The following STK10 variants were observed in gnomAD, a reference collection of about 807,000 sequenced individuals.
STK10 encodes the protein serine/threonine-protein kinase 10.
Under a neutral mutation model 113.8 loss-of-function variants are expected in STK10, and 78 were observed. That is an observed-to-expected ratio of 0.69 (90% CI 0.57 to 0.83). The LOEUF (loss-of-function observed/expected upper bound fraction) is 0.83, where lower values mean the gene tolerates loss of function less well. Among genes scored for constraint, STK10 ranks in the 40% least tolerant of loss-of-function variants. STK10 has a pLI of 0.00. For synonymous variants in STK10, 465 were observed against 494.7 expected (o/e 0.94, Z 0.80); for missense variants, 1,109 against 1,280.1 (o/e 0.87, Z 2.04).
At chr5:172,061,112 A>G (rs756695560) in intron 14 of STK10, 27 bp downstream of exon 14, 2 of 1,589,982 alleles carry the variant, frequency 1.3e-6, no homozygotes, top group South Asian at 2.3e-5. Flanking sequence ...CTGGGCCAAG[A>G]CAGCGCTGCC....
At chr5:172,067,739 T>C (rs1768099762) in intron 12 of STK10, among the ~76,000 whole-genome samples, 1 of 152,080 alleles carries the variant, frequency 6.6e-6, no homozygotes, top group African/African-American at 2.4e-5. Context: ...GGGTCATTCA[T>C]TTGAAGACTG....
At chr5:172,163,466 C>T (rs1770507008) in intron 1 of STK10, among the ~76,000 whole-genome samples, 1 of 152,162 alleles carries the variant, frequency 6.6e-6, no homozygotes, top group Non-Finnish European at 1.5e-5. Context: ...CAAGGGAGTG[C>T]CTGGCAGCTG....
At position 172,096,416 on chromosome 5, in the gene STK10, C is replaced by G; in HGVS notation, c.1005+10G>C. The G allele has an allele frequency of 6.2e-7, 1 of 1,611,050 alleles. No individual in the cohort carries two copies. Among genetic ancestry groups the G allele is most frequent in the Non-Finnish European group, 8.5e-7 (1 of 1,179,924 alleles). ...CAGCCCCCGCTAAGCCCCACTCTCC[C>G]TGGCCTTACGGAGGCGGCATCCACG... On this transcript the variant is annotated intron_variant, in intron 8 of 18. Transcript: ENST00000176763.
chr5:172,113,656 C>T (rs1157781773), intron 4 of STK10, among the ~76,000 whole-genome samples: 1 of 152,198 alleles, frequency 6.6e-6, no homozygotes, highest in Non-Finnish European at 1.5e-5. Context: ...GTGGCTCATG[C>T]CTGTAATCCC....
chr5:172,119,819 A>G lies in STK10; in HGVS notation c.371-2189T>C, dbSNP rs113501131. 4.0e-5 allele frequency among the ~76,000 whole-genome samples: 6 copies of G among 149,054 alleles called. 1 individual carries two copies. ...GCAGAGCTTGCAGTGAGCGGAGATC[A>G]CGCCACTGCACTCCAGCCTGGGCGA... On this transcript the variant is annotated intron_variant, in intron 3 of 18. Coordinates refer to ENST00000176763, the MANE Select transcript of STK10 (RefSeq NM_005990.4).
At chr5:172,144,652 C>T (rs967605990) in intron 2 of STK10, among the ~76,000 whole-genome samples, 3 of 152,142 alleles carry the variant, frequency 2.0e-5, no homozygotes, top group African/African-American at 7.2e-5. Flanking sequence ...CCAGCCTCAC[C>T]CACCACATTC....
chr5:172,093,409 T>G lies in STK10; in HGVS notation c.1554+3A>C. On this transcript the variant is annotated splice_donor_region_variant and intron_variant, in intron 9 of 18. Coordinates refer to ENST00000176763, the MANE Select transcript of STK10 (RefSeq NM_005990.4). The surrounding 1 kb of genome is among the most constrained non-coding windows in gnomAD (Gnocchi z 4.1). ...AAGCCCGTGGTGGCAGAGGCGGTGTTACCTTGATGGACAGAGAGCCCATCT... is the reference window on the plus strand; with the variant it reads ...AAGCCCGTGGTGGCAGAGGCGGTGTGACCTTGATGGACAGAGAGCCCATCT... The G allele has an allele frequency of 6.3e-7, 1 of 1,585,510 alleles. No homozygotes were observed. The highest frequency in any genetic ancestry group is 8.6e-7 in the Non-Finnish European group (1 of 1,159,562).
rs1183929502 is a variant in STK10 at position 172,057,202 on chromosome 5, G to T, written c.2337+147C>A. The stretch of plus-strand genomic sequence containing the variant: ...AGGACGCCCCTGGAGAACCTCCTGG[G>T]GCCTCACTGCAGCCAGCCCTGGCTC... On this transcript the variant is annotated intron_variant, in intron 15 of 18. Coordinates refer to ENST00000176763, the MANE Select transcript of STK10 (RefSeq NM_005990.4). 7 of 1,173,186 alleles carry T rather than the reference G, an allele frequency of 6.0e-6. No homozygotes were observed. The African/African-American group carries it at 9.1e-5, about 15-fold the overall frequency. 72.7% of individuals were successfully genotyped at this position (1,173,186 alleles called of 1,614,324 possible). A position where few individuals can be genotyped will look rare whatever the true frequency, so the allele number is the denominator to read the frequency against.
chr5:172,105,273 G>A (rs3103590), intron 7 of STK10, among the ~76,000 whole-genome samples: 15,101 of 150,902 alleles, frequency 0.1, 862 homozygotes, highest in East Asian at 0.13. Flanking sequence ...TTCCCTTCCT[G>A]TGGACATCTG....
At position 172,187,351 on chromosome 5, in the gene STK10, A is replaced by G. The variant is rs1159509932; in HGVS notation, c.156+536T>C. Among the ~76,000 whole-genome samples the G allele has an allele frequency of 2.7e-5, 4 of 149,324 alleles. No homozygotes were observed. The highest frequency in any genetic ancestry group is 4.5e-5 in the Non-Finnish European group (3 of 67,410). On this transcript the variant is annotated intron_variant, in intron 1 of 18. Transcript: ENST00000176763. This position sits in a 1 kb window ranked among gnomAD's most constrained non-coding sequence, Gnocchi z 4.6. ...CCCACCTTTCCAAGCCCCACCTCTC[A>G]GTCCATGGGCCACCCCTCGCCCACC... is the stretch of plus-strand genomic sequence containing the variant.
At chr5:172,090,455 C>A in intron 9 of STK10, 93 bp from the exon 10 acceptor site, 1 of 1,517,384 alleles carries the variant, frequency 6.6e-7, no homozygotes, top group Non-Finnish European at 8.9e-7. Flanking sequence ...GCTGGGCCCA[C>A]AGCTTCAGAA....
intron 2 of STK10, among the ~76,000 whole-genome samples, chr5:172,149,501 T>G (rs1770161115): frequency 6.7e-6 from 1 of 149,128 alleles, no homozygotes; most frequent in South Asian, 2.1e-4. Flanking sequence ...TGCTCGTGTG[T>G]GTGTGTGTGT....
Position 172,121,734 on chromosome 5 carries a change from T to A in STK10, c.371-4104A>T, listed in dbSNP as rs192646647. Among the ~76,000 whole-genome samples, 368 of 148,126 alleles carry A rather than the reference T, an allele frequency of 2.5e-3. 1 individual carries two copies. The highest frequency in any genetic ancestry group is 3.7e-3 in the Non-Finnish European group (251 of 67,966). On this transcript the variant is annotated intron_variant, in intron 3 of 18. Transcript: ENST00000176763. ...TCTAAATAAATAAATAAATAAATAATTTTTTGTTTTTTGGAGACAGAGTCT... is the reference window on the plus strand; with the variant it reads ...TCTAAATAAATAAATAAATAAATAAATTTTTGTTTTTTGGAGACAGAGTCT...
In STK10 at chr5:172,171,652, T is replaced by C. The variant is rs566948805; in HGVS notation, c.157-14864A>G. On this transcript the variant is annotated intron_variant, in intron 1 of 18. Coordinates refer to ENST00000176763, the MANE Select transcript of STK10 (RefSeq NM_005990.4). ...ATCACTTGGACCCGTGAGGCAGAGG[T>C]TGCAGTAAGCCAAGATCGCGTTACT... Among the ~76,000 whole-genome samples, 271 of 148,064 alleles carry C rather than the reference T, an allele frequency of 1.8e-3. 1 individual carries two copies. The highest frequency in any genetic ancestry group is 4.3e-3 in the Admixed American group (63 of 14,776).
intron 13 of STK10, chr5:172,064,370 T>A: frequency 3.5e-6 from 1 of 283,476 alleles, no homozygotes. Flanking sequence ...TCCTTCAGAC[T>A]TAAAAGATGC....
chr5:172,132,122 CA>C (rs1769769206), intron 2 of STK10, among the ~76,000 whole-genome samples: 1 of 152,102 alleles, frequency 6.6e-6, no homozygotes, highest in African/African-American at 2.4e-5. Context: ...TCTGTTATAG[CA>C]GCATAAAATG....
At chr5:172,118,794 G>A (rs1814663) in intron 3 of STK10, among the ~76,000 whole-genome samples, 42,632 of 150,224 alleles carry the variant, frequency 0.28, 6,800 homozygotes, top group African/African-American at 0.45. Context: ...CAGGAGAATC[G>A]CTTGACCCCA....
intron 2 of STK10, among the ~76,000 whole-genome samples, chr5:172,144,746 G>A (rs1270932247): frequency 1.3e-5 from 2 of 152,204 alleles, no homozygotes; most frequent in African/African-American, 4.8e-5. Flanking sequence ...CTGGAACAGA[G>A]GGAGTGACCT....
rs1267109257 is a variant in STK10, at chr5:172,096,345, C to T, written c.1005+81G>A. ...TTGCCTGAGCCAGAGTCCTGGCCTT[C>T]CCTGCCCCTCCCACACCAGCAGGGC... On this transcript the variant is annotated intron_variant, in intron 8 of 18. Transcript: ENST00000176763. 7 of 1,579,430 alleles carry T rather than the reference C, an allele frequency of 4.4e-6. No homozygotes were observed. In the Admixed American group the frequency reaches 5.1e-5, roughly 11 times the overall value.
Sources: allele counts gnomAD v4.1 joint callset (sites outside exome capture counted in the v4.1 genomes callset), GRCh38; gene constraint gnomAD v4.1.1; non-coding constraint Gnocchi (gnomAD v3.1); transcripts MANE v1.5; gene names NCBI Gene and HGNC (gene_info 2026-07-23, HGNC 2026-07-21).